Variants in ASCC1 observed in about 807,000 individuals in gnomAD.
ASCC1 encodes the protein ASC-1 complex subunit P50.
Under a neutral mutation model 46.6 loss-of-function variants are expected in ASCC1, and 35 were observed. The ratio of observed to expected loss-of-function variants is 0.75; its 90% CI spans 0.57 to 0.99. The LOEUF is 0.99. ASCC1 is among the 50% of genes least tolerant of loss of function. ASCC1 has a pLI of 0.00. For synonymous variants in ASCC1, 143 were observed against 146.6 expected (o/e 0.98, Z 0.18); for missense variants, 376 against 428.7 (o/e 0.88, Z 1.09).
intron 9 of ASCC1, among the ~76,000 whole-genome samples, chr10:72,124,365 C>T (rs1423133606): frequency 6.6e-6 from 1 of 152,146 alleles, no homozygotes; most frequent in African/African-American, 2.4e-5. Flanking sequence ...ACCTATAGTA[C>T]TTTCCATTCT....
At chr10:72,154,928 CTAAG>C (rs1317173383) in intron 6 of ASCC1, among the ~76,000 whole-genome samples, 1 of 151,948 alleles carries the variant, frequency 6.6e-6, no homozygotes, top group African/African-American at 2.4e-5. Context: ...ATACATGTGA[CTAAG>C]GAAGCTTTTA....
intron 8 of ASCC1, among the ~76,000 whole-genome samples, chr10:72,132,057 C>T (rs1034908806): frequency 8.6e-5 from 13 of 151,746 alleles, no homozygotes; most frequent in South Asian, 2.1e-4. Context: ...TTAGTAGAGA[C>T]GGGGTTTCAC....
At chr10:72,192,621 G>A (rs1037068671) in intron 5 of ASCC1, among the ~76,000 whole-genome samples, 8 of 152,148 alleles carry the variant, frequency 5.3e-5, no homozygotes, top group African/African-American at 1.9e-4. Context: ...AGCCTCCCGA[G>A]TAGCTGGGAT....
intron 7 of ASCC1, among the ~76,000 whole-genome samples, chr10:72,136,982 TCAC>T (rs1846306147): frequency 6.8e-6 from 1 of 146,988 alleles, no homozygotes. Context: ...ACTGTAACAC[TCAC>T]CACGAGGGTC....
intron 9 of ASCC1, among the ~76,000 whole-genome samples, chr10:72,125,096 A>C (rs1451033036): frequency 8.5e-5 from 13 of 152,198 alleles, no homozygotes; most frequent in Non-Finnish European, 1.5e-5. Flanking sequence ...TTTCTTACTA[A>C]GGCTCCCAGA....
At chr10:72,194,659 C>T (rs1433259578) in intron 5 of ASCC1, among the ~76,000 whole-genome samples, 1 of 152,074 alleles carries the variant, frequency 6.6e-6, no homozygotes, top group Non-Finnish European at 1.5e-5. Flanking sequence ...ATTACATATC[C>T]ATATAATAGA....
At chr10:72,128,832 C>T (rs1430258145) in intron 8 of ASCC1, among the ~76,000 whole-genome samples, 1 of 151,754 alleles carries the variant, frequency 6.6e-6, no homozygotes, top group Non-Finnish European at 1.5e-5. Context: ...GAGAGGGAAA[C>T]AGGAAAGAAA....
intron 9 of ASCC1, chr10:72,102,196 G>T: frequency 1.4e-6 from 1 of 711,102 alleles, no homozygotes. Context: ...AGAAGGAGAT[G>T]GAAAAATCAG....
intron 7 of ASCC1, among the ~76,000 whole-genome samples, chr10:72,142,542 T>C (rs1015966804): frequency 8.6e-5 from 13 of 152,014 alleles, no homozygotes; most frequent in African/African-American, 2.9e-4. Context: ...AATTTTTGTA[T>C]TTTTCGTAGA....
intron 5 of ASCC1, among the ~76,000 whole-genome samples, chr10:72,175,147 C>T (rs544971999): frequency 6.6e-6 from 1 of 152,170 alleles, no homozygotes; most frequent in Non-Finnish European, 1.5e-5. Context: ...ACCAGACAGG[C>T]CTATGTTCAA....
rs1385281330 is a variant in ASCC1 at position 72,213,435 on chromosome 10, T to C, written c.-33-104A>G. ...GTCTGAATTGGGCATCAGTTCACAG[T>C]ATCTCCCACACAAAAGCAGCACCAT... On this transcript the variant is annotated intron_variant, in intron 1 of 9. Transcript: ENST00000672957. 13 of 683,464 alleles carry C rather than the reference T, an allele frequency of 1.9e-5. No individual in the cohort carries two copies. In the East Asian group the frequency reaches 3.4e-4, roughly 18 times the overall value. The allele number at this position is 683,464 out of a possible 1,614,324, so 42.3% of individuals were successfully genotyped here.
At chr10:72,216,147 C>G (rs1859251282) in intron 1 of ASCC1, 60 bp downstream of exon 1, 2 of 152,700 alleles carry the variant, frequency 1.3e-5, no homozygotes, top group African/African-American at 4.8e-5. Flanking sequence ...AGGTAAGAGG[C>G]CGAGGGGTCG....
Position 72,209,118 on chromosome 10 carries a change from T to A in ASCC1, c.212+1614A>T, listed in dbSNP as rs547081199. 3.3e-5 allele frequency among the ~76,000 whole-genome samples: 5 copies of A among 150,756 alleles called. 1 individual carries two copies. In the South Asian group the frequency reaches 1.0e-3, roughly 32 times the overall value. ...AAGTCAAGGCTACAGTGAGCCGAGATCGCACCACTGCACTGCAGCCTGGGT... is the reference window on the plus strand; with the variant it reads ...AAGTCAAGGCTACAGTGAGCCGAGAACGCACCACTGCACTGCAGCCTGGGT... On this transcript the variant is annotated intron_variant, in intron 3 of 9. Coordinates refer to ENST00000672957, the MANE Select transcript of ASCC1 (RefSeq NM_001198800.3).
At chr10:72,099,492 G>A (rs1841477624) in intron 9 of ASCC1, among the ~76,000 whole-genome samples, 1 of 152,160 alleles carries the variant, frequency 6.6e-6, no homozygotes, top group Non-Finnish European at 1.5e-5. Flanking sequence ...AACCACAACA[G>A]GGGCACAAGA....
chr10:72,165,682 T>C (rs1239861380), intron 5 of ASCC1, among the ~76,000 whole-genome samples: 2 of 152,234 alleles, frequency 1.3e-5, no homozygotes, highest in African/African-American at 4.8e-5. Context: ...ATGAAAAGTT[T>C]TGTGATTCCA....
In ASCC1 at chr10:72,203,516, A is replaced by G; in HGVS notation, c.221T>C (p.Val74Ala). 1 of 1,602,974 alleles carries G rather than the reference A, an allele frequency of 6.2e-7. No homozygotes were observed. The change falls in exon 4 of 10, where the codon GTT becomes GCT. Residue 74 changes from valine (V) to alanine (A), a missense_variant. Physicochemically the swap from Val to Ala is moderately conservative, Grantham distance 64. Coordinates refer to ENST00000672957, the MANE Select transcript of ASCC1 (RefSeq NM_001198800.3). The stretch of plus-strand genomic sequence containing the variant: ...CTTCCTAGTGTCCCCTCTCTTTCCA[A>G]CTATATGCCTGTAACATAAAGTAAT... ...RAPSLLYKHI[V>A]GKRGDTRKKI...
At chr10:72,213,440 C>T (rs1226542013) in intron 1 of ASCC1, 109 bp from the exon 2 acceptor site, 2 of 678,968 alleles carry the variant, frequency 2.9e-6, no homozygotes, top group Non-Finnish European at 5.4e-6. Context: ...CACAGTATCT[C>T]CCACACAAAA....
intron 9 of ASCC1, 130 bp from the exon 10 acceptor site, chr10:72,097,580 T>A: frequency 3.2e-6 from 2 of 631,476 alleles, no homozygotes; most frequent in South Asian, 3.4e-5. Context: ...TTCTTTTCAG[T>A]GTTTACTCTG....
At chr10:72,175,999 T>TACA (rs373098533) in intron 5 of ASCC1, among the ~76,000 whole-genome samples, 19 of 152,328 alleles carry the variant, frequency 1.2e-4, no homozygotes, top group African/African-American at 4.3e-4. Flanking sequence ...CAGCAATAAT[T>TACA]ACAATTATAA....
Sources: gnomAD v4.1 joint callset for allele counts (sites outside exome capture counted in the v4.1 genomes callset) on GRCh38, gnomAD v4.1.1 for gene constraint, MANE v1.5 for transcripts, NCBI Gene and HGNC (gene_info 2026-07-23, HGNC 2026-07-21) for gene names.